The following MEGF10 variants were observed in gnomAD, a reference collection of about 807,000 sequenced individuals.
The protein encoded by MEGF10 is multiple EGF like domains 10.
A neutral mutation model predicts 147.5 loss-of-function variants in MEGF10; 86 were observed. That is an observed-to-expected ratio of 0.58 (90% CI 0.49 to 0.70). The LOEUF (loss-of-function observed/expected upper bound fraction) is 0.70. MEGF10 is among the 30% of genes least tolerant of loss of function. The pLI, the probability that MEGF10 is intolerant of heterozygous loss-of-function variation, is 0.00. For synonymous variants in MEGF10, 478 were observed against 525.5 expected, an observed-to-expected ratio of 0.91 and a Z score of 1.24; for missense variants, 1,329 against 1,487.3, an observed-to-expected ratio of 0.89 and a Z score of 1.75.
chr5:127,403,817 CCA>C (rs1764222404), intron 8 of MEGF10, among the ~76,000 whole-genome samples: 3 of 152,194 alleles, frequency 2.0e-5, no homozygotes, highest in African/African-American at 7.2e-5. Flanking sequence ...TGTATATGTA[CCA>C]CATTTTCTTT....
intron 2 of MEGF10, among the ~76,000 whole-genome samples, chr5:127,336,354 C>T (rs1472609848): frequency 6.6e-6 from 1 of 151,892 alleles, no homozygotes; most frequent in Non-Finnish European, 1.5e-5. Flanking sequence ...ATATTGGTCT[C>T]TCATTAGGTT....
chr5:127,246,715 A>G, the MEGF10 span, among the ~76,000 whole-genome samples: 1 of 148,032 alleles, frequency 6.8e-6, no homozygotes, highest in Non-Finnish European at 1.5e-5. Context: ...AAAGATATAC[A>G]TATATAAAAT....
At chr5:127,347,452 A>G (rs1273359435) in intron 4 of MEGF10, among the ~76,000 whole-genome samples, 1 of 152,050 alleles carries the variant, frequency 6.6e-6, no homozygotes, top group African/African-American at 2.4e-5. Flanking sequence ...GTGGTTCTTC[A>G]TGGGATGGCT....
the MEGF10 span, among the ~76,000 whole-genome samples, chr5:127,239,662 G>A: frequency 6.6e-6 from 1 of 151,858 alleles, no homozygotes; most frequent in Non-Finnish European, 1.5e-5. Context: ...GAAAGATTGG[G>A]AATATAGATC....
At chr5:127,367,357 A>T (rs1017320396) in intron 4 of MEGF10, among the ~76,000 whole-genome samples, 1 of 152,192 alleles carries the variant, frequency 6.6e-6, no homozygotes, top group Admixed American at 6.5e-5. Flanking sequence ...CTCTGATGGA[A>T]TCCAGCTTTT....
the MEGF10 span, among the ~76,000 whole-genome samples, chr5:127,247,179 T>C: frequency 1.4e-5 from 2 of 143,550 alleles, no homozygotes; most frequent in East Asian, 2.0e-4. Flanking sequence ...AAACATGTTT[T>C]ACAAAATTTT....
chr5:127,428,622 T>G (rs2126991244), intron 13 of MEGF10, among the ~76,000 whole-genome samples: 1 of 152,356 alleles, frequency 6.6e-6, no homozygotes, highest in African/African-American at 2.4e-5. Context: ...CAAGCCCAAT[T>G]ATTATTAACA....
intron 2 of MEGF10, among the ~76,000 whole-genome samples, chr5:127,338,541 T>G (rs112074851): frequency 9.1e-4 from 139 of 152,270 alleles, no homozygotes; most frequent in African/African-American, 3.1e-3. Context: ...CTCAGCCATA[T>G]GTTTAGAACC....
At chr5:127,421,596 G>C (rs1765007434) in intron 12 of MEGF10, among the ~76,000 whole-genome samples, 1 of 152,082 alleles carries the variant, frequency 6.6e-6, no homozygotes. Flanking sequence ...CATCCAAACT[G>C]ACGTGCACAT....
In MEGF10 at chr5:127,440,780, T is replaced by G. The variant is rs1464065506; in HGVS notation, c.2275T>G (p.Cys759Gly). ...GFYGKDCALI[C>G]QCQNGADCDH... ...TTATGGAAAAGATTGTGCACTGATA[T>G]GCCAATGTCAAAACGGAGCTGACTG... The change falls in exon 18 of 25, where the codon TGC becomes GGC. Residue 759 changes from cysteine (C) to glycine (G), a missense_variant. By Grantham distance (159) the Cys-to-Gly change is radical. Transcript: ENST00000503335. The G allele has an allele frequency of 6.2e-7, 1 of 1,614,150 alleles. No homozygotes were observed. Among genetic ancestry groups the G allele is most frequent in the Non-Finnish European group, 8.5e-7 (1 of 1,179,980 alleles).
the MEGF10 span, among the ~76,000 whole-genome samples, chr5:127,269,210 C>T: frequency 2.6e-5 from 4 of 152,208 alleles, no homozygotes; most frequent in East Asian, 3.9e-4. Context: ...CGCAGCTCCT[C>T]GCCAGCAATG....
intron 5 of MEGF10, among the ~76,000 whole-genome samples, chr5:127,386,083 A>G (rs184658019): frequency 1.3e-5 from 2 of 152,210 alleles, no homozygotes; most frequent in Non-Finnish European, 2.9e-5. Context: ...ACTCCAGTCT[A>G]GGTAGCACAG....
At chr5:127,364,360 T>G (rs1762581584) in intron 4 of MEGF10, among the ~76,000 whole-genome samples, 1 of 152,258 alleles carries the variant, frequency 6.6e-6, no homozygotes, top group East Asian at 1.9e-4. Context: ...ATAAATTGAG[T>G]CATTCAATAT....
At chr5:127,252,727 C>T in the MEGF10 span, among the ~76,000 whole-genome samples, 1 of 151,882 alleles carries the variant, frequency 6.6e-6, no homozygotes, top group Non-Finnish European at 1.5e-5. Context: ...ATAGTTTTAA[C>T]TTTCTATGAT....
intron 5 of MEGF10, among the ~76,000 whole-genome samples, chr5:127,373,151 CT>C (rs760945233): frequency 2.0e-5 from 3 of 151,838 alleles, no homozygotes; most frequent in Non-Finnish European, 4.4e-5. Context: ...GCCATTGTGT[CT>C]TTTTTTTGTT....
intron 5 of MEGF10, among the ~76,000 whole-genome samples, chr5:127,391,102 G>GCGCGCGCGCGCGCGCGCA (rs1426600414): frequency 1.9e-5 from 1 of 53,894 alleles, no homozygotes; most frequent in Admixed American, 1.8e-4. Context: ...GCGCGCGCGC[G>GCGCGCGCGCGCGCGCGCA]CACACACACA....
chr5:127,264,452 G>T, the MEGF10 span, among the ~76,000 whole-genome samples: 1 of 152,154 alleles, frequency 6.6e-6, no homozygotes, highest in Non-Finnish European at 1.5e-5. Context: ...CTGAAGAAAA[G>T]TGAGGGATTT....
At chr5:127,409,085 G>A (rs560498134) in intron 8 of MEGF10, among the ~76,000 whole-genome samples, 1 of 152,154 alleles carries the variant, frequency 6.6e-6, no homozygotes, top group Admixed American at 6.5e-5. Context: ...TCAAAAAAAA[G>A]TATCAAGATT....
At chr5:127,368,329 C>G (rs1762727591) in intron 4 of MEGF10, among the ~76,000 whole-genome samples, 1 of 152,200 alleles carries the variant, frequency 6.6e-6, no homozygotes, top group Admixed American at 6.5e-5. Context: ...GTCCCAAGGT[C>G]ACCAGTCCTG....
Sources: gnomAD v4.1 joint callset for allele counts (sites outside exome capture counted in the v4.1 genomes callset) on GRCh38, gnomAD v4.1.1 for gene constraint, MANE v1.5 for transcripts, NCBI Gene and HGNC (gene_info 2026-07-23, HGNC 2026-07-21) for gene names.